Variants in ANKRD11 observed in about 807,000 individuals in gnomAD.
ANKRD11 encodes the protein ankyrin repeat domain-containing protein 11.
A neutral mutation model predicts 195.7 loss-of-function variants in ANKRD11; 17 were observed. The observed-to-expected ratio is 0.09, with a 90% CI of 0.06 to 0.13. The LOEUF (loss-of-function observed/expected upper bound fraction) is 0.13. Ranked by LOEUF, ANKRD11 falls within the 10% of genes least tolerant of loss-of-function variation. ANKRD11 has a pLI of 1.00. For missense variants in ANKRD11, 3,735 were observed against 3,566.1 expected, an observed-to-expected ratio of 1.05 and a Z score of -1.21; for synonymous variants, 1,953 against 1,528.1, an observed-to-expected ratio of 1.28 and a Z score of -6.49.
chr16:89,481,950 T>TA (rs1378704976), intron 1 of ANKRD11, among the ~76,000 whole-genome samples: 2 of 152,042 alleles, frequency 1.3e-5, no homozygotes, highest in African/African-American at 4.8e-5. Context: ...CTTCTTCCCT[T>TA]AAATCTCCCA....
intron 2 of ANKRD11, among the ~76,000 whole-genome samples, chr16:89,331,461 AAGACAT>A (rs1431624455): frequency 1.3e-5 from 2 of 152,178 alleles, no homozygotes; most frequent in Non-Finnish European, 2.9e-5. Flanking sequence ...AAAGACTTAA[AAGACAT>A]CAAAGAATCT....
At position 89,275,169 on chromosome 16, in the gene ANKRD11, G is replaced by A. The variant is rs1052222126; in HGVS notation, c.7493C>T (p.Ala2498Val). ...CCTGAACAGCTCCTTCAGGGGCTCC[G>A]CCAGGGAGGGAGGGGGTGCGATCTA... ...IPVIAPPPSLAEPLKELFRQQ... is the reference protein window; with the variant it reads ...IPVIAPPPSLVEPLKELFRQQ... The change falls in exon 10 of 13, where the codon GCG becomes GTG. Residue 2498 changes from alanine to valine, a missense_variant. Ala to Val is a moderately conservative substitution (Grantham distance 64). Coordinates refer to ENST00000301030, the MANE Select transcript of ANKRD11 (RefSeq NM_013275.6). 1.7e-5 allele frequency: 27 copies of A among 1,609,430 alleles called. No homozygotes were observed. The highest frequency in any genetic ancestry group is 2.1e-5 in the Non-Finnish European group (25 of 1,178,412).
intron 2 of ANKRD11, among the ~76,000 whole-genome samples, chr16:89,322,018 G>C (rs758199465): frequency 1.3e-5 from 2 of 152,212 alleles, no homozygotes; most frequent in Non-Finnish European, 2.9e-5. Context: ...CTAACAGTAA[G>C]AGCAGAACAC....
chr16:89,390,695 A>G (rs2041152341), intron 2 of ANKRD11, among the ~76,000 whole-genome samples: 2 of 152,168 alleles, frequency 1.3e-5, no homozygotes, highest in African/African-American at 4.8e-5. Context: ...GGAAACAGTG[A>G]GCACACAGCC....
intron 1 of ANKRD11, among the ~76,000 whole-genome samples, chr16:89,433,960 G>A (rs1007009192): frequency 2.4e-4 from 37 of 152,294 alleles, no homozygotes; most frequent in Admixed American, 2.0e-4. Flanking sequence ...AAGGGAGAAG[G>A]GGACATGGAC....
chr16:89,413,959 A>C (rs1046465828), intron 2 of ANKRD11, among the ~76,000 whole-genome samples: 3 of 152,020 alleles, frequency 2.0e-5, no homozygotes, highest in Non-Finnish European at 4.4e-5. Flanking sequence ...GGACCCCAGC[A>C]CAGCAACAGC....
intron 2 of ANKRD11, among the ~76,000 whole-genome samples, chr16:89,342,046 C>A (rs1207484258): frequency 9.4e-6 from 1 of 106,520 alleles, no homozygotes; most frequent in African/African-American, 3.5e-5. Flanking sequence ...ACAGCGGCCA[C>A]GGCCCACGGC....
At chr16:89,403,108 T>C (rs1048409559) in intron 2 of ANKRD11, among the ~76,000 whole-genome samples, 1 of 152,316 alleles carries the variant, frequency 6.6e-6, no homozygotes, top group African/African-American at 2.4e-5. Flanking sequence ...GGACACATCA[T>C]CAACCTCTCA....
intron 1 of ANKRD11, among the ~76,000 whole-genome samples, chr16:89,431,790 T>C (rs1323357075): frequency 6.6e-6 from 1 of 152,090 alleles, no homozygotes; most frequent in Non-Finnish European, 1.5e-5. Context: ...AGAGACACTG[T>C]CAATCAGAGA....
intron 1 of ANKRD11, among the ~76,000 whole-genome samples, chr16:89,423,747 G>C (rs2152248496): frequency 6.6e-6 from 1 of 152,308 alleles, no homozygotes; most frequent in East Asian, 1.9e-4. Flanking sequence ...TGCTTCGATG[G>C]TGTAAGAAAA....
At chr16:89,463,233 C>T (rs796623122) in intron 1 of ANKRD11, among the ~76,000 whole-genome samples, 3 of 152,120 alleles carry the variant, frequency 2.0e-5, no homozygotes, top group Non-Finnish European at 1.5e-5. Context: ...GAATAGAAAG[C>T]GGGGAAAGGT....
chr16:89,391,928 T>C (rs2041216911), intron 2 of ANKRD11, among the ~76,000 whole-genome samples: 1 of 152,272 alleles, frequency 6.6e-6, no homozygotes, highest in South Asian at 2.1e-4. Context: ...CTGGCATGCT[T>C]ATACTGGTCG....
Position 89,328,785 on chromosome 16 carries a change from C to T in ANKRD11, c.-59-11707G>A, listed in dbSNP as rs3114894. ...GAGGCCCCTGCTGAGTGAGTGGACA[C>T]ACCCAGGCGCACGGGCGAATCAGCG... On this transcript the variant is annotated intron_variant, in intron 2 of 12. Coordinates refer to ENST00000301030, the MANE Select transcript of ANKRD11 (RefSeq NM_013275.6). Among the ~76,000 whole-genome samples, 15 of 120,892 alleles carry T rather than the reference C, an allele frequency of 1.2e-4. No individual in the cohort carries two copies. The East Asian group carries it at 1.4e-3, about 11-fold the overall frequency. 79.3% of individuals were successfully genotyped at this position (120,892 alleles called of 152,430 possible).
intron 2 of ANKRD11, among the ~76,000 whole-genome samples, chr16:89,319,791 C>T (rs894264954): frequency 3.9e-5 from 6 of 152,238 alleles, no homozygotes; most frequent in South Asian, 2.1e-4. Flanking sequence ...GTGCAGCACG[C>T]GGCCCACTCT....
chr16:89,281,499 T>A lies in ANKRD11; in HGVS notation c.5043A>T (p.Ala1681=), dbSNP rs137953940. 1.1e-4 allele frequency: 179 copies of A among 1,614,084 alleles called. No individual in the cohort carries two copies. Among genetic ancestry groups the A allele is most frequent in the Non-Finnish European group, 1.3e-4 (155 of 1,180,044 alleles). ...ASGADSKDWL[A]GPHMKEVLPA... Reference sequence around the variant, plus strand: ...GCAGGACCTCTTTCATGTGAGGGCCTGCCAGCCAGTCTTTGGAGTCTGCAC... The same window carrying A: ...GCAGGACCTCTTTCATGTGAGGGCCAGCCAGCCAGTCTTTGGAGTCTGCAC... Residue 1681 remains alanine (A), a synonymous_variant, in exon 9 of 13, where the codon GCA becomes GCT. Coordinates refer to ENST00000301030, the MANE Select transcript of ANKRD11 (RefSeq NM_013275.6). The surrounding 1 kb of genome is among the most constrained non-coding windows in gnomAD (Gnocchi z 5.5).
intron 2 of ANKRD11, among the ~76,000 whole-genome samples, chr16:89,333,463 G>T (rs1372380474): frequency 6.6e-6 from 1 of 152,138 alleles, no homozygotes; most frequent in East Asian, 1.9e-4. Flanking sequence ...CCACCGTTGT[G>T]GTATCATACA....
intron 2 of ANKRD11, among the ~76,000 whole-genome samples, chr16:89,336,424 T>C (rs1354225091): frequency 6.6e-6 from 1 of 152,214 alleles, no homozygotes; most frequent in Non-Finnish European, 1.5e-5. Context: ...CTGTTTGCTG[T>C]GGGCTTCTGT....
chr16:89,318,086 C>G (rs1481667397), intron 2 of ANKRD11, among the ~76,000 whole-genome samples: 1 of 152,208 alleles, frequency 6.6e-6, no homozygotes, highest in Non-Finnish European at 1.5e-5. Context: ...AGGCCTTCCC[C>G]GAGCCCCTGC....
At chr16:89,344,611 G>A (rs1465511866) in intron 2 of ANKRD11, among the ~76,000 whole-genome samples, 1 of 152,256 alleles carries the variant, frequency 6.6e-6, no homozygotes, top group Non-Finnish European at 1.5e-5. Flanking sequence ...GCGTCCGGGA[G>A]GACACTCCAG....
Sources: gnomAD v4.1 joint callset for allele counts (sites outside exome capture counted in the v4.1 genomes callset) on GRCh38, gnomAD v4.1.1 for gene constraint, Gnocchi (gnomAD v3.1) non-coding constraint, MANE v1.5 for transcripts, NCBI Gene and HGNC (gene_info 2026-07-23, HGNC 2026-07-21) for gene names.